MTFR1: variants seen among roughly 807,000 people sequenced by gnomAD.
The protein encoded by MTFR1 is mitochondrial fission regulator 1.
In MTFR1, 28 loss-of-function variants were observed where a neutral mutation model predicts 38.8. The ratio of observed to expected loss-of-function variants is 0.72; its 90% CI spans 0.53 to 0.99. MTFR1 has a LOEUF of 0.99. MTFR1 is among the 50% of genes least tolerant of loss of function. The pLI, the probability that MTFR1 is intolerant of heterozygous loss-of-function variation, is 0.00. For missense variants in MTFR1, 358 were observed against 395.5 expected, an observed-to-expected ratio of 0.91 and a Z score of 0.81; for synonymous variants, 145 against 137.0, an observed-to-expected ratio of 1.06 and a Z score of -0.41.
At chr8:65,746,320 G>A (rs1412526188) in intron 3 of MTFR1, among the ~76,000 whole-genome samples, 1 of 152,066 alleles carries the variant, frequency 6.6e-6, no homozygotes, top group Admixed American at 6.6e-5. Context: ...ATAGAGCTGG[G>A]ATCTTAAATT....
intron 3 of MTFR1, among the ~76,000 whole-genome samples, chr8:65,729,169 A>G (rs1407005407): frequency 6.6e-6 from 1 of 152,150 alleles, no homozygotes; most frequent in Non-Finnish European, 1.5e-5. Context: ...GAAACTACAG[A>G]TTATTTAACA....
intron 4 of MTFR1, among the ~76,000 whole-genome samples, chr8:65,698,848 C>T (rs897412301): frequency 2.0e-5 from 3 of 152,082 alleles, no homozygotes; most frequent in African/African-American, 7.2e-5. Flanking sequence ...CATGCCTCAG[C>T]CTCCCAAGCA....
intron 2 of MTFR1, among the ~76,000 whole-genome samples, chr8:65,676,674 A>T (rs961632417): frequency 2.0e-5 from 3 of 152,008 alleles, no homozygotes; most frequent in African/African-American, 7.3e-5. Flanking sequence ...AGAAAAACAT[A>T]TTTTTCTTAG....
At chr8:65,749,397 T>C (rs751432406) in intron 3 of MTFR1, among the ~76,000 whole-genome samples, 15 of 152,226 alleles carry the variant, frequency 9.9e-5, no homozygotes, top group Non-Finnish European at 1.8e-4. Context: ...TGTTATGTGA[T>C]TTACTTCTCC....
upstream of MTFR1, among the ~76,000 whole-genome samples, chr8:65,644,026 A>C (rs1808883343): frequency 6.6e-6 from 1 of 152,220 alleles, no homozygotes; most frequent in African/African-American, 2.4e-5. Context: ...CCATACAAAA[A>C]TACGGACAGG....
At chr8:65,769,724 C>G (rs1391656021) in intron 3 of MTFR1, among the ~76,000 whole-genome samples, 1 of 152,010 alleles carries the variant, frequency 6.6e-6, no homozygotes, top group Non-Finnish European at 1.5e-5. Flanking sequence ...AGTGAAACCC[C>G]GTCTCTACTG....
intron 2 of MTFR1, among the ~76,000 whole-genome samples, chr8:65,677,321 C>T (rs1338828759): frequency 4.0e-5 from 6 of 150,768 alleles, no homozygotes; most frequent in East Asian, 2.0e-4. Flanking sequence ...CCACCCGCCT[C>T]GGCCTTCCAA....
chr8:65,688,666 G>A (rs1417511250), intron 3 of MTFR1, among the ~76,000 whole-genome samples: 17 of 150,416 alleles, frequency 1.1e-4, no homozygotes, highest in Non-Finnish European at 2.2e-4. Context: ...GGATGGTCTC[G>A]ATCTCCTGAC....
In MTFR1 at chr8:65,689,649, A is replaced by C. The variant is rs995329483; in HGVS notation, c.166-3995A>C. 12 of 1,194,660 alleles carry C rather than the reference A, an allele frequency of 1.0e-5. No individual in the cohort carries two copies. In the South Asian group the frequency reaches 1.2e-4, roughly 11 times the overall value. 74.0% of individuals were successfully genotyped at this position (1,194,660 alleles called of 1,614,324 possible). A position where few individuals can be genotyped will look rare whatever the true frequency, so the allele number is the denominator to read the frequency against. On this transcript the variant is annotated intron_variant, in intron 3 of 7. Transcript: ENST00000262146. ...ACTTCCCATGCATGTCGTGGTGTCTAAATCGTATTTCCAAGAATTTCTTAA... is the reference window on the plus strand; with the variant it reads ...ACTTCCCATGCATGTCGTGGTGTCTCAATCGTATTTCCAAGAATTTCTTAA...
downstream of MTFR1, chr8:65,714,758 T>TAAAA (rs1806067804): frequency 6.6e-6 from 1 of 152,208 alleles, no homozygotes; most frequent in Admixed American, 6.5e-5. Context: ...GTGAGAGTTT[T>TAAAA]AAGAAAATAG....
intron 3 of MTFR1, chr8:65,724,965 T>A: frequency 7.7e-7 from 1 of 1,303,178 alleles, no homozygotes; most frequent in Non-Finnish European, 1.1e-6. Flanking sequence ...GACTTTCAAT[T>A]AACTATTTAT....
At chr8:65,674,709 C>T (rs1246658830) in intron 2 of MTFR1, among the ~76,000 whole-genome samples, 2 of 152,198 alleles carry the variant, frequency 1.3e-5, no homozygotes. Context: ...GTGATTGGCT[C>T]ATTGTCTTTG....
intron 5 of MTFR1, among the ~76,000 whole-genome samples, chr8:65,705,710 G>A (rs917942359): frequency 2.6e-5 from 4 of 152,068 alleles, no homozygotes; most frequent in African/African-American, 9.7e-5. Context: ...TCTAAAATGG[G>A]GATAATAGTA....
intron 3 of MTFR1, chr8:65,747,884 G>A: frequency 8.3e-6 from 6 of 719,886 alleles, no homozygotes; most frequent in Non-Finnish European, 1.3e-5. Flanking sequence ...TTTTAGTTAT[G>A]TACAAGTATT....
chr8:65,724,078 A>G (rs896034374), intron 3 of MTFR1, among the ~76,000 whole-genome samples: 11 of 152,222 alleles, frequency 7.2e-5, no homozygotes, highest in African/African-American at 2.4e-4. Context: ...GAGGACTTCT[A>G]ATTTTCAAAA....
chr8:65,682,394 C>T lies in MTFR1; in HGVS notation c.108C>T (p.Ile36=), dbSNP rs1314803204. The T allele has an allele frequency of 2.0e-5, 31 of 1,571,502 alleles. No homozygotes were observed. The highest frequency in any genetic ancestry group is 2.6e-5 in the Non-Finnish European group (30 of 1,158,212). Residue 36 remains isoleucine (I), a synonymous_variant, in exon 3 of 8, where the codon ATC becomes ATT. Coordinates refer to ENST00000262146, the MANE Select transcript of MTFR1 (RefSeq NM_014637.4). ...SRKPYGSSRS[I]VRKIGTNLSL... ...AGCCATATGGTTCGTCTCGAAGTAT[C>T]GTAAGGAAAATTGGTACTAATTTGT...
intron 3 of MTFR1, among the ~76,000 whole-genome samples, chr8:65,759,406 A>G (rs951009783): frequency 1.3e-5 from 2 of 152,230 alleles, no homozygotes; most frequent in African/African-American, 4.8e-5. Flanking sequence ...GAGAACACCA[A>G]GGTCCCCACT....
intron 1 of MTFR1, among the ~76,000 whole-genome samples, chr8:65,648,419 A>C (rs1476404599): frequency 1.3e-5 from 2 of 152,088 alleles, no homozygotes; most frequent in African/African-American, 4.8e-5. Flanking sequence ...CTCTTCTCAA[A>C]ATCTTCAGAG....
chr8:65,698,688 T>C (rs1482511126), intron 4 of MTFR1, among the ~76,000 whole-genome samples: 2 of 152,046 alleles, frequency 1.3e-5, no homozygotes, highest in Non-Finnish European at 2.9e-5. Context: ...TTTTTGATCC[T>C]CACCTTCTAC....
Sources: allele counts gnomAD v4.1 joint callset (sites outside exome capture counted in the v4.1 genomes callset), GRCh38; gene constraint gnomAD v4.1.1; transcripts MANE v1.5; gene names NCBI Gene and HGNC (gene_info 2026-07-23, HGNC 2026-07-21).